PREX1: variants seen among roughly 807,000 people sequenced by gnomAD.
PREX1 encodes phosphatidylinositol-3,4,5-trisphosphate dependent Rac exchange factor 1.
A neutral mutation model predicts 198.3 loss-of-function variants in PREX1; 41 were observed. That is an observed-to-expected ratio of 0.21 (90% CI 0.16 to 0.27). PREX1 has a LOEUF of 0.27. Among genes scored for constraint, PREX1 ranks in the 10% least tolerant of loss-of-function variants. The pLI is 1.00. For missense variants in PREX1, 1,620 were observed against 2,200.7 expected (o/e 0.74, Z 5.28); for synonymous variants, 843 against 887.2 (o/e 0.95, Z 0.89).
rs1262273949 is a variant in PREX1, at chr20:48,642,438, AGCTTGTCCT to A, written c.3644_3652del (p.Gln1215_Lys1217del). 6.2e-7 allele frequency: 1 copy of A among 1,613,692 alleles called. No homozygotes were observed. The highest frequency in any genetic ancestry group is 8.5e-7 in the Non-Finnish European group (1 of 1,179,682). ...AAAGAGGTGCTCCAGGCAGCCATGAAGCTTGTCCTGCTTGTCAGATGGGATCCGCATGTC... is the reference window on the plus strand; with the variant it reads ...AAAGAGGTGCTCCAGGCAGCCATGAAGCTTGTCAGATGGGATCCGCATGTC... On this transcript the variant is annotated inframe_deletion, in exon 28 of 40. Transcript: ENST00000371941.
chr20:48,676,893 C>T lies in PREX1; in HGVS notation c.1590-625G>A, dbSNP rs115453954. Among the ~76,000 whole-genome samples, 1,254 of 152,314 alleles carry T rather than the reference C, an allele frequency of 8.2e-3. 20 individuals carry two copies. Among genetic ancestry groups the T allele is most frequent in the African/African-American group, 0.028 (1,180 of 41,564 alleles). On this transcript the variant is annotated intron_variant, in intron 13 of 39. Coordinates refer to ENST00000371941, the MANE Select transcript of PREX1 (RefSeq NM_020820.4). ...GCTGGTGTGGTCTATCAGGGCCGAG[C>T]AGCACAGAGGCCTGTGAGTTTCACG...
chr20:48,734,510 G>C (rs1275782063), intron 4 of PREX1, 36 bp downstream of exon 4: 1 of 1,571,018 alleles, frequency 6.4e-7, no homozygotes, highest in African/African-American at 1.3e-5. Flanking sequence ...ATGAGGCCGA[G>C]TGCAAGGGAG....
chr20:48,647,057 G>C (rs955793454), intron 25 of PREX1, among the ~76,000 whole-genome samples: 1 of 152,128 alleles, frequency 6.6e-6, no homozygotes, highest in African/African-American at 2.4e-5. Flanking sequence ...CTGTGAGACC[G>C]CATCTCTGTA....
intron 11 of PREX1, among the ~76,000 whole-genome samples, chr20:48,680,214 T>G (rs1057443595): frequency 6.6e-6 from 1 of 152,064 alleles, no homozygotes; most frequent in Non-Finnish European, 1.5e-5. Context: ...TCAGATCCAT[T>G]AGCAATGCCT....
chr20:48,723,599 C>T (rs1310059264), intron 5 of PREX1, among the ~76,000 whole-genome samples: 2 of 152,294 alleles, frequency 1.3e-5, no homozygotes, highest in East Asian at 1.9e-4. Flanking sequence ...GGAAACAAGG[C>T]GTGCCCCGAC....
At chr20:48,879,530 C>T in the PREX1 span, among the ~76,000 whole-genome samples, 3 of 152,248 alleles carry the variant, frequency 2.0e-5, no homozygotes, top group African/African-American at 7.2e-5. Context: ...AAAAGGTTAA[C>T]ACCAGGTCTA....
chr20:48,651,265 T>A, intron 22 of PREX1, 131 bp downstream of exon 22: 1 of 1,379,354 alleles, frequency 7.2e-7, no homozygotes, highest in Non-Finnish European at 9.6e-7. Context: ...GGACCAGAAT[T>A]CAGGACTCCA....
chr20:48,753,868 T>C (rs2090145096), intron 1 of PREX1, among the ~76,000 whole-genome samples: 1 of 152,240 alleles, frequency 6.6e-6, no homozygotes, highest in Non-Finnish European at 1.5e-5. Flanking sequence ...CATAGCCACC[T>C]GAACCCTGTT....
At position 48,636,523 on chromosome 20, in the gene PREX1, C is replaced by G. The variant is rs2089365065; in HGVS notation, c.4107G>C (p.Glu1369Asp). 6.2e-7 allele frequency: 1 copy of G among 1,610,992 alleles called. No individual in the cohort carries two copies. The highest frequency in any genetic ancestry group is 1.3e-5 in the African/African-American group (1 of 74,924). ...GCAGGACGCCCGTGGCCGCCACCTG[C>G]TCCAGCCACTTGCGGCTGGCGTCGC... Reference protein sequence around the residue: ...SSRDASRKWLEQVAATGVLLH... With the variant: ...SSRDASRKWLDQVAATGVLLH... Residue 1369 changes from glutamate (E) to aspartate (D), a missense_variant, in exon 32 of 40, where the codon GAG becomes GAC. Glu to Asp is a conservative substitution (Grantham distance 45). This residue lies in a region of PREX1 where 476 missense variants were observed against 603.4 expected (regional missense o/e 0.79). Transcript: ENST00000371941.
chr20:48,800,115 A>C (rs1434062288), intron 1 of PREX1, among the ~76,000 whole-genome samples: 2 of 152,196 alleles, frequency 1.3e-5, no homozygotes, highest in East Asian at 3.9e-4. Context: ...CTTTACACTC[A>C]TTTAAACTTC....
intron 4 of PREX1, among the ~76,000 whole-genome samples, chr20:48,726,613 C>T (rs187668149): frequency 6.6e-6 from 1 of 152,346 alleles, no homozygotes; most frequent in East Asian, 1.9e-4. Flanking sequence ...AGAAACACAG[C>T]CACATCCATC....
At chr20:48,796,524 G>T (rs1030133102) in intron 1 of PREX1, among the ~76,000 whole-genome samples, 3 of 151,992 alleles carry the variant, frequency 2.0e-5, no homozygotes, top group African/African-American at 7.3e-5. Flanking sequence ...CTGCCTCTGG[G>T]GAGGGAACTT....
the PREX1 span, among the ~76,000 whole-genome samples, chr20:48,869,617 G>A: frequency 6.6e-6 from 1 of 152,134 alleles, no homozygotes; most frequent in African/African-American, 2.4e-5. Flanking sequence ...ATGATAGATA[G>A]GATAAAGAAA....
chr20:48,663,038 T>C (rs1348861449), intron 15 of PREX1, among the ~76,000 whole-genome samples: 3 of 152,036 alleles, frequency 2.0e-5, no homozygotes, highest in African/African-American at 7.2e-5. Flanking sequence ...AGGACTTTGG[T>C]GAGATGAGGT....
the PREX1 span, among the ~76,000 whole-genome samples, chr20:48,859,124 C>T: frequency 1.3e-5 from 2 of 152,128 alleles, no homozygotes; most frequent in African/African-American, 4.8e-5. Flanking sequence ...TGATTTTGAA[C>T]TCCTGACCTC....
chr20:48,734,534 G>T lies in PREX1; in HGVS notation c.519+12C>A. 1 of 1,611,178 alleles carries T rather than the reference G, an allele frequency of 6.2e-7. No individual in the cohort carries two copies. The highest frequency in any genetic ancestry group is 1.1e-5 in the South Asian group (1 of 90,988). On this transcript the variant is annotated intron_variant, in intron 4 of 39. Transcript: ENST00000371941. ...AGTGCAAGGGAGCACCAGGGCTGAC[G>T]GGTCAACTTACCAAAAGGAAGGCGC...
At position 48,802,926 on chromosome 20, in the gene PREX1, G is replaced by A. The variant is rs187415035; in HGVS notation, c.219+24716C>T. On this transcript the variant is annotated intron_variant, in intron 1 of 39. Transcript: ENST00000371941. ...GGAGTGAGGAGCGGGCAAGCCAAGG[G>A]GGGCTTTCCTGAGAAGACGCCTTAG... Among the ~76,000 whole-genome samples the A allele has an allele frequency of 7.2e-5, 11 of 152,302 alleles. 1 individual carries two copies. The highest frequency in any genetic ancestry group is 7.2e-4 in the Admixed American group (11 of 15,296).
At chr20:48,771,319 A>T (rs2090234680) in intron 1 of PREX1, among the ~76,000 whole-genome samples, 1 of 150,968 alleles carries the variant, frequency 6.6e-6, no homozygotes, top group Non-Finnish European at 1.5e-5. Context: ...CTGGTACATA[A>T]AAGTATCTGG....
intron 1 of PREX1, among the ~76,000 whole-genome samples, chr20:48,762,105 C>G (rs1487422402): frequency 1.3e-5 from 2 of 152,192 alleles, no homozygotes; most frequent in Non-Finnish European, 1.5e-5. Context: ...CGCCTTTACC[C>G]TCACCCAGGG....
Sources: allele counts gnomAD v4.1 joint callset (sites outside exome capture counted in the v4.1 genomes callset), GRCh38; gene constraint gnomAD v4.1.1; regional missense constraint gnomAD v4.1.1; transcripts MANE v1.5; gene names NCBI Gene and HGNC (gene_info 2026-07-23, HGNC 2026-07-21).